Variants in TMEM266 observed in about 807,000 individuals in gnomAD.
TMEM266 encodes transmembrane protein 266, also known as Hv1 related protein 1.
TMEM266 carries 33 observed loss-of-function variants against 50.5 expected under a neutral mutation model. The ratio of observed to expected loss-of-function variants is 0.65; its 90% CI spans 0.50 to 0.87. The LOEUF (loss-of-function observed/expected upper bound fraction) is 0.87. Among genes scored for constraint, TMEM266 ranks in the 40% least tolerant of loss-of-function variants. TMEM266 has a pLI of 0.00. For missense variants in TMEM266, 655 were observed against 695.1 expected, an observed-to-expected ratio of 0.94 and a Z score of 0.65; for synonymous variants, 310 against 292.3, an observed-to-expected ratio of 1.06 and a Z score of -0.62.
intron 1 of TMEM266, among the ~76,000 whole-genome samples, chr15:76,108,333 T>A (rs2037117277): frequency 6.6e-6 from 1 of 152,190 alleles, no homozygotes; most frequent in African/African-American, 2.4e-5. Flanking sequence ...TCCAGGGAAC[T>A]CCCAGCAGTC....
intron 1 of TMEM266, among the ~76,000 whole-genome samples, chr15:76,082,093 T>G: frequency 6.6e-6 from 1 of 152,196 alleles, no homozygotes; most frequent in Non-Finnish European, 1.5e-5. Context: ...ATCAACAAAC[T>G]CAAGTCATGT....
In TMEM266 at chr15:76,134,205, T is replaced by A; in HGVS notation, c.-59T>A. ...GTATGTGTCTTGTAGAACCCACGCT[T>A]GGAAATGCTGACAGCAGGCTTCAGG... On this transcript the variant is annotated 5_prime_UTR_variant, in exon 2 of 11. Coordinates refer to ENST00000388942, the MANE Select transcript of TMEM266 (RefSeq NM_152335.3). 1 of 1,582,348 alleles carries A rather than the reference T, an allele frequency of 6.3e-7. No homozygotes were observed. Among genetic ancestry groups the A allele is most frequent in the African/African-American group, 1.3e-5 (1 of 74,240 alleles).
chr15:76,125,617 G>A (rs899735090), intron 1 of TMEM266, among the ~76,000 whole-genome samples: 1 of 152,090 alleles, frequency 6.6e-6, no homozygotes, highest in Non-Finnish European at 1.5e-5. Flanking sequence ...GGAGGCCCAG[G>A]TGGGCAGATC....
chr15:76,108,905 T>C (rs781740110), intron 1 of TMEM266: 1 of 152,220 alleles, frequency 6.6e-6, no homozygotes, highest in African/African-American at 2.4e-5. Flanking sequence ...GTACTAACTG[T>C]ATTTACTATC....
chr15:76,127,177 C>A (rs2037436344), intron 1 of TMEM266, among the ~76,000 whole-genome samples: 1 of 152,098 alleles, frequency 6.6e-6, no homozygotes, highest in Non-Finnish European at 1.5e-5. Flanking sequence ...TTGTGGTAAT[C>A]ATTTCACAAT....
intron 1 of TMEM266, among the ~76,000 whole-genome samples, chr15:76,069,790 C>A (rs2036507819): frequency 6.6e-6 from 1 of 151,824 alleles, no homozygotes. Context: ...TGCACTCCAG[C>A]CTGGGCAGCC....
chr15:76,119,766 CA>C (rs35165074), intron 1 of TMEM266, among the ~76,000 whole-genome samples: 4 of 148,084 alleles, frequency 2.7e-5, no homozygotes, highest in African/African-American at 5.0e-5. Context: ...GACTTGGTCT[CA>C]AAAAAAAAAT....
At chr15:76,102,492 G>T (rs1019099834) in intron 1 of TMEM266, among the ~76,000 whole-genome samples, 1 of 152,124 alleles carries the variant, frequency 6.6e-6, no homozygotes, top group African/African-American at 2.4e-5. Flanking sequence ...TGAGAGAAGA[G>T]CATTCCAGGT....
At chr15:76,156,403 A>G (rs2037926389) in intron 3 of TMEM266, among the ~76,000 whole-genome samples, 1 of 152,106 alleles carries the variant, frequency 6.6e-6, no homozygotes, top group South Asian at 2.1e-4. Flanking sequence ...GGCCAGCTCC[A>G]TTTCTTAATG....
At chr15:76,167,606 A>G (rs1362131570) in intron 5 of TMEM266, among the ~76,000 whole-genome samples, 1 of 151,872 alleles carries the variant, frequency 6.6e-6, no homozygotes, top group Non-Finnish European at 1.5e-5. Context: ...GGTTCAAGCA[A>G]TTCTCCTGCC....
At chr15:76,091,978 A>G (rs918338506) in intron 1 of TMEM266, among the ~76,000 whole-genome samples, 2 of 152,016 alleles carry the variant, frequency 1.3e-5, no homozygotes, top group Non-Finnish European at 2.9e-5. Flanking sequence ...CAACAGAGCA[A>G]GACCCTGTCT....
At chr15:76,194,216 C>T (rs1388207375) in intron 9 of TMEM266, among the ~76,000 whole-genome samples, 3 of 152,260 alleles carry the variant, frequency 2.0e-5, no homozygotes, top group Non-Finnish European at 4.4e-5. Flanking sequence ...CAATCATCAG[C>T]GTCCAGCTGT....
rs148111361 is a variant in TMEM266 at position 76,074,436 on chromosome 15, C to T, written c.-97+14420C>T. 2.6e-4 allele frequency among the ~76,000 whole-genome samples: 39 copies of T among 152,162 alleles called. 1 individual carries two copies. Among genetic ancestry groups the T allele is most frequent in the African/African-American group, 9.4e-4 (39 of 41,436 alleles). On this transcript the variant is annotated intron_variant, in intron 1 of 10. Coordinates refer to ENST00000388942, the MANE Select transcript of TMEM266 (RefSeq NM_152335.3). ...CCCATTAAACACAAAAACTCTACTC[C>T]TTTACAGCTTTGCACTACCCCCACT...
At chr15:76,137,388 T>G (rs1210105519) in intron 2 of TMEM266, among the ~76,000 whole-genome samples, 1 of 152,208 alleles carries the variant, frequency 6.6e-6, no homozygotes, top group South Asian at 2.1e-4. Flanking sequence ...AGCCATAGTT[T>G]TGCGGGCTGG....
intron 3 of TMEM266, among the ~76,000 whole-genome samples, chr15:76,140,972 A>G (rs895154581): frequency 6.6e-6 from 1 of 152,042 alleles, no homozygotes; most frequent in Non-Finnish European, 1.5e-5. Flanking sequence ...AGGAGGTCGA[A>G]GCTTTAGTGA....
chr15:76,116,757 T>G (rs1269891818), intron 1 of TMEM266, among the ~76,000 whole-genome samples: 1 of 151,750 alleles, frequency 6.6e-6, no homozygotes, highest in Admixed American at 6.6e-5. Flanking sequence ...TTGTCAAACA[T>G]ATGTCATCCT....
chr15:76,164,862 G>T (rs974145143), intron 5 of TMEM266, among the ~76,000 whole-genome samples: 1 of 152,246 alleles, frequency 6.6e-6, no homozygotes, highest in Non-Finnish European at 1.5e-5. Flanking sequence ...CCCACATGGG[G>T]ATGGCTCTGC....
chr15:76,113,023 A>C (rs1444700953), intron 1 of TMEM266: 1 of 152,130 alleles, frequency 6.6e-6, no homozygotes, highest in Non-Finnish European at 1.5e-5. Flanking sequence ...ACTCCTATGA[A>C]ATATGTTCTG....
At chr15:76,104,274 C>T (rs1035290224) in intron 1 of TMEM266, among the ~76,000 whole-genome samples, 1 of 151,982 alleles carries the variant, frequency 6.6e-6, no homozygotes, top group African/African-American at 2.4e-5. Context: ...AGATAGTAGC[C>T]ACTAGCCACG....
Sources: gnomAD v4.1 joint callset for allele counts (sites outside exome capture counted in the v4.1 genomes callset) on GRCh38, gnomAD v4.1.1 for gene constraint, MANE v1.5 for transcripts, NCBI Gene and HGNC (gene_info 2026-07-23, HGNC 2026-07-21) for gene names.